Variants in GALNT10 observed in about 807,000 individuals in gnomAD.
The protein encoded by GALNT10 is polypeptide N-acetylgalactosaminyltransferase 10.
In GALNT10, 41 loss-of-function variants were observed where a neutral mutation model predicts 75.0. The observed-to-expected ratio is 0.55, with a 90% CI of 0.43 to 0.71. The LOEUF is 0.71. GALNT10 is among the 30% of genes least tolerant of loss of function. The probability of loss-of-function intolerance (pLI) is 0.00; values close to 1 mark genes in which losing one functional copy is unlikely to be tolerated. For synonymous variants in GALNT10, 302 were observed against 313.0 expected, an observed-to-expected ratio of 0.96 and a Z score of 0.37; for missense variants, 727 against 818.5, an observed-to-expected ratio of 0.89 and a Z score of 1.36.
chr5:154,393,289 G>A (rs2113197242), intron 7 of GALNT10, among the ~76,000 whole-genome samples: 1 of 152,130 alleles, frequency 6.6e-6, no homozygotes, highest in South Asian at 2.1e-4. Flanking sequence ...GCCCAGGCTG[G>A]TCTCAAACTC....
At position 154,409,175 on chromosome 5, in the gene GALNT10, G is replaced by A. The variant is rs989119677; in HGVS notation, c.1165-366G>A. On this transcript the variant is annotated intron_variant, in intron 8 of 11. Transcript: ENST00000297107. This position sits in a 1 kb window ranked among gnomAD's most constrained non-coding sequence, Gnocchi z 4.5. ...CTGCTGTTTGACCAGCCCCTGCACCGGGGGCGCCTGTATTCACATTAGCTA... is the reference window on the plus strand; with the variant it reads ...CTGCTGTTTGACCAGCCCCTGCACCAGGGGCGCCTGTATTCACATTAGCTA... Among the ~76,000 whole-genome samples the A allele has an allele frequency of 2.0e-5, 3 of 152,172 alleles. No individual in the cohort carries two copies. Among genetic ancestry groups the A allele is most frequent in the African/African-American group, 7.2e-5 (3 of 41,424 alleles).
intron 1 of GALNT10, among the ~76,000 whole-genome samples, chr5:154,293,625 C>CTTTTTTTTTTTTTTTTTTTTTTTTTT (rs1320287927): frequency 7.8e-6 from 1 of 128,084 alleles, no homozygotes. Flanking sequence ...TTTTTTTTTC[C>CTTTTTTTTTTTTTTTTTTTTTTTTTT]TTTCAGCCAT....
rs376052018 is a variant in GALNT10 at position 154,376,311 on chromosome 5, C to T, written c.603C>T (p.Ala201=). 5 of 1,612,670 alleles carry T rather than the reference C, an allele frequency of 3.1e-6. No homozygotes were observed. The African/African-American group carries it at 5.3e-5, about 17-fold the overall frequency. ...AGAAGCCTCTTGAAGACTACATGGC[C>T]CTTTTCCCCAGTGTGAGGATTCTTC... ...HLKKPLEDYM[A]LFPSVRILRT... is the part of the protein sequence containing the mutation. The change falls in exon 5 of 12, where the codon GCC becomes GCT. Residue 201 remains alanine, a synonymous_variant. Transcript: ENST00000297107. The surrounding 1 kb of genome is among the most constrained non-coding windows in gnomAD (Gnocchi z 4.1).
At chr5:154,330,880 A>G (rs1386182944) in intron 4 of GALNT10, among the ~76,000 whole-genome samples, 5 of 150,798 alleles carry the variant, frequency 3.3e-5, no homozygotes, top group Admixed American at 2.6e-4. Context: ...ACATGCGTTT[A>G]GTACAGAGGC....
intron 1 of GALNT10, among the ~76,000 whole-genome samples, chr5:154,224,811 C>T (rs532115987): frequency 2.2e-4 from 29 of 133,014 alleles, no homozygotes; most frequent in Admixed American, 2.0e-3. Flanking sequence ...GATGGAGTCT[C>T]GCTCTGTCTC....
At chr5:154,255,172 C>T (rs939981725) in intron 1 of GALNT10, among the ~76,000 whole-genome samples, 1 of 152,098 alleles carries the variant, frequency 6.6e-6, no homozygotes, top group African/African-American at 2.4e-5. Context: ...CTGTCTCTAA[C>T]CCCGAACAGA....
intron 6 of GALNT10, among the ~76,000 whole-genome samples, chr5:154,382,308 G>A (rs1755745606): frequency 6.6e-6 from 1 of 152,352 alleles, no homozygotes; most frequent in South Asian, 2.1e-4. Flanking sequence ...GTCTCCAGCA[G>A]CAGGTCAAAC....
At chr5:154,239,663 C>G (rs749123265) in intron 1 of GALNT10, among the ~76,000 whole-genome samples, 1 of 152,098 alleles carries the variant, frequency 6.6e-6, no homozygotes, top group Non-Finnish European at 1.5e-5. Flanking sequence ...TGCCATTAAT[C>G]GAACATCATT....
intron 1 of GALNT10, among the ~76,000 whole-genome samples, chr5:154,278,946 A>G (rs879889000): frequency 2.6e-5 from 4 of 152,208 alleles, no homozygotes; most frequent in Non-Finnish European, 5.9e-5. Context: ...ACCTTCATCT[A>G]TTAATGGACA....
intron 1 of GALNT10, among the ~76,000 whole-genome samples, chr5:154,211,764 C>T (rs1182661454): frequency 2.6e-5 from 4 of 152,036 alleles, no homozygotes; most frequent in South Asian, 2.1e-4. Context: ...CCTTGGCAGC[C>T]GGAAGGAGAC....
chr5:154,380,715 C>G, intron 6 of GALNT10, 84 bp downstream of exon 6: 1 of 899,918 alleles, frequency 1.1e-6, no homozygotes, highest in East Asian at 2.6e-5. Flanking sequence ...CGCCATCTCC[C>G]TTAAAAGCCC....
At chr5:154,337,487 A>G (rs1754962625) in intron 4 of GALNT10, 7 of 725,192 alleles carry the variant, frequency 9.7e-6, no homozygotes, top group Non-Finnish European at 1.8e-5. Flanking sequence ...TGCCACTGCC[A>G]TGGCTACTGC....
chr5:154,275,659 C>A (rs565272346), intron 1 of GALNT10, among the ~76,000 whole-genome samples: 1 of 152,238 alleles, frequency 6.6e-6, no homozygotes, highest in Non-Finnish European at 1.5e-5. Context: ...TCCAAGATGG[C>A]TCATTCGCAT....
At chr5:154,306,560 C>G (rs7709613) in intron 3 of GALNT10, among the ~76,000 whole-genome samples, 2,377 of 151,974 alleles carry the variant, frequency 0.016, 45 homozygotes, top group African/African-American at 0.053. Flanking sequence ...GCATTAATGC[C>G]TATGTTAGAA....
intron 4 of GALNT10, among the ~76,000 whole-genome samples, chr5:154,334,235 C>T (rs964815305): frequency 3.6e-4 from 55 of 152,222 alleles, no homozygotes; most frequent in South Asian, 4.1e-4. Flanking sequence ...AATGAATTCT[C>T]GAAATAAGAT....
chr5:154,267,514 A>T (rs1206036937), intron 1 of GALNT10, among the ~76,000 whole-genome samples: 1 of 152,212 alleles, frequency 6.6e-6, no homozygotes, highest in African/African-American at 2.4e-5. Context: ...AAAACAGTTT[A>T]GGTTTTCCCT....
intron 4 of GALNT10, among the ~76,000 whole-genome samples, chr5:154,358,750 A>G (rs937458519): frequency 2.6e-5 from 4 of 151,882 alleles, no homozygotes; most frequent in African/African-American, 9.7e-5. Flanking sequence ...TTACTGCCCC[A>G]TTCAACAGAC....
chr5:154,404,158 A>G lies in GALNT10; in HGVS notation c.1111A>G (p.Ile371Val). The G allele has an allele frequency of 3.1e-6, 5 of 1,613,374 alleles. No individual in the cohort carries two copies. Among genetic ancestry groups the G allele is most frequent in the Non-Finnish European group, 4.2e-6 (5 of 1,179,576 alleles). Residue 371 changes from isoleucine (I) to valine (V), a missense_variant, in exon 8 of 12, where the codon ATC becomes GTC. By Grantham distance (29) the Ile-to-Val change is conservative. Coordinates refer to ENST00000297107, the MANE Select transcript of GALNT10 (RefSeq NM_198321.4). ...CATCCCCTGCTCCAGGGTGGGCCATATCTACAGGAAGTATGTGCCCTACAA... is the reference window on the plus strand; with the variant it reads ...CATCCCCTGCTCCAGGGTGGGCCATGTCTACAGGAAGTATGTGCCCTACAA... ...EDIPCSRVGH[I>V]YRKYVPYKVP...
In GALNT10 at chr5:154,413,018, C is replaced by T. The variant is rs1330710917; in HGVS notation, c.1503+13C>T. ...GAACAACATGCAGGTAAGGGCCGCC[C>T]CTCAGGGACTGGCAGCCAGGTTCTC... is the stretch of plus-strand genomic sequence containing the variant. On this transcript the variant is annotated intron_variant, in intron 10 of 11. Transcript: ENST00000297107. The T allele has an allele frequency of 6.5e-7, 1 of 1,527,824 alleles. No homozygotes were observed. The highest frequency in any genetic ancestry group is 9.1e-7 in the Non-Finnish European group (1 of 1,104,448). 94.6% of individuals were successfully genotyped at this position (1,527,824 alleles called of 1,614,324 possible).
Sources: gnomAD v4.1 joint callset for allele counts (sites outside exome capture counted in the v4.1 genomes callset) on GRCh38, gnomAD v4.1.1 for gene constraint, Gnocchi (gnomAD v3.1) non-coding constraint, MANE v1.5 for transcripts, NCBI Gene and HGNC (gene_info 2026-07-23, HGNC 2026-07-21) for gene names.